Variants in CIMIP6 observed in about 807,000 individuals in gnomAD.
The protein encoded by CIMIP6 is uncharacterized protein C2orf73.
the CIMIP6 span, among the ~76,000 whole-genome samples, chr2:54,339,441 G>A: frequency 2.7e-5 from 2 of 74,806 alleles, 1 homozygote; most frequent in Non-Finnish European, 7.0e-5. Context: ...TCATTTAACT[G>A]TGGACTCCTT....
the CIMIP6 span, among the ~76,000 whole-genome samples, chr2:54,365,655 G>A: frequency 6.6e-6 from 1 of 152,112 alleles, no homozygotes; most frequent in African/African-American, 2.4e-5. Context: ...CTAAAGCCAA[G>A]CAGATGCCAG....
the CIMIP6 span, chr2:54,381,768 A>T: frequency 6.9e-7 from 1 of 1,450,852 alleles, no homozygotes; most frequent in Non-Finnish European, 9.1e-7. Context: ...TCAGAACTCC[A>T]TCTGATTTAA....
the CIMIP6 span, among the ~76,000 whole-genome samples, chr2:54,356,802 G>A: frequency 6.6e-6 from 1 of 152,218 alleles, no homozygotes; most frequent in African/African-American, 2.4e-5. Context: ...GGTAAAGCCA[G>A]AATTTGAAAA....
At chr2:54,356,921 C>T in the CIMIP6 span, among the ~76,000 whole-genome samples, 1 of 152,234 alleles carries the variant, frequency 6.6e-6, no homozygotes, top group South Asian at 2.1e-4. Flanking sequence ...AGTTATGAAA[C>T]TGTGTCCGCA....
the CIMIP6 span, among the ~76,000 whole-genome samples, chr2:54,368,101 T>C: frequency 6.6e-6 from 1 of 152,176 alleles, no homozygotes; most frequent in African/African-American, 2.4e-5. Flanking sequence ...ATGACTAGAA[T>C]ATTAATTGTA....
the CIMIP6 span, among the ~76,000 whole-genome samples, chr2:54,332,286 T>G: frequency 6.6e-6 from 1 of 152,228 alleles, no homozygotes; most frequent in African/African-American, 2.4e-5. Flanking sequence ...CATTCTCTAT[T>G]TTATTATTGT....
At chr2:54,347,858 T>G in the CIMIP6 span, among the ~76,000 whole-genome samples, 223 of 152,320 alleles carry the variant, frequency 1.5e-3, 1 homozygote, top group East Asian at 0.016. Flanking sequence ...TTAATTGGCT[T>G]AATTTTTACC....
the CIMIP6 span, among the ~76,000 whole-genome samples, chr2:54,377,577 C>A: frequency 6.6e-6 from 1 of 152,170 alleles, no homozygotes; most frequent in Admixed American, 6.5e-5. Flanking sequence ...CCAGCACACC[C>A]CTGAGATTGC....
chr2:54,337,231 A>G, the CIMIP6 span, among the ~76,000 whole-genome samples: 1 of 152,162 alleles, frequency 6.6e-6, no homozygotes, highest in Non-Finnish European at 1.5e-5. Flanking sequence ...TACTGATGAC[A>G]TCTGTTCTTG....
chr2:54,332,404 A>C, the CIMIP6 span, among the ~76,000 whole-genome samples: 1 of 152,200 alleles, frequency 6.6e-6, no homozygotes, highest in Non-Finnish European at 1.5e-5. Flanking sequence ...CTTTATCATC[A>C]GTGCCTCCAA....
the CIMIP6 span, among the ~76,000 whole-genome samples, chr2:54,382,456 T>C: frequency 6.6e-6 from 1 of 152,238 alleles, no homozygotes; most frequent in Non-Finnish European, 1.5e-5. Context: ...CCAGCATGCC[T>C]TTCCAACCTG....
At chr2:54,351,527 A>G in the CIMIP6 span, among the ~76,000 whole-genome samples, 1 of 152,314 alleles carries the variant, frequency 6.6e-6, no homozygotes, top group African/African-American at 2.4e-5. Flanking sequence ...CGCAGGAACA[A>G]AAAAACCAAA....
At chr2:54,370,113 G>A in the CIMIP6 span, among the ~76,000 whole-genome samples, 1 of 152,042 alleles carries the variant, frequency 6.6e-6, no homozygotes, top group Non-Finnish European at 1.5e-5. Flanking sequence ...AAATTAGCCA[G>A]TTGTGGTGGC....
chr2:54,375,999 T>C, the CIMIP6 span, among the ~76,000 whole-genome samples: 1 of 152,202 alleles, frequency 6.6e-6, no homozygotes, highest in Non-Finnish European at 1.5e-5. Flanking sequence ...CTCTTCAATG[T>C]TGTTTAAAAT....
At chr2:54,342,541 G>A in the CIMIP6 span, among the ~76,000 whole-genome samples, 3 of 150,000 alleles carry the variant, frequency 2.0e-5, no homozygotes, top group East Asian at 3.9e-4. Flanking sequence ...TGTTGTATAT[G>A]TCTTTTATAC....
chr2:54,345,476 T>A, the CIMIP6 span, among the ~76,000 whole-genome samples: 2 of 152,216 alleles, frequency 1.3e-5, no homozygotes, highest in Admixed American at 1.3e-4. Flanking sequence ...ATCTCCTGCT[T>A]TTGAGAAAGA....
the CIMIP6 span, chr2:54,383,850 T>C: frequency 1.3e-5 from 2 of 152,182 alleles, no homozygotes; most frequent in African/African-American, 4.8e-5. Flanking sequence ...AATGGATTAA[T>C]GCTGTTATTT....
chr2:54,368,838 G>T, the CIMIP6 span, among the ~76,000 whole-genome samples: 2 of 152,208 alleles, frequency 1.3e-5, no homozygotes, highest in African/African-American at 4.8e-5. Context: ...CCACAATTCT[G>T]CTGGGAGAGT....
the CIMIP6 span, among the ~76,000 whole-genome samples, chr2:54,381,445 G>A: frequency 1.3e-5 from 2 of 152,270 alleles, no homozygotes; most frequent in African/African-American, 4.8e-5. Context: ...GTTTACCTAT[G>A]TTTTCTCACG....
Sources: allele counts gnomAD v4.1 joint callset (sites outside exome capture counted in the v4.1 genomes callset), GRCh38; gene constraint gnomAD v4.1.1; transcripts MANE v1.5; gene names NCBI Gene and HGNC (gene_info 2026-07-23, HGNC 2026-07-21).